Variants in NR2F1-AS1 observed in about 807,000 individuals in gnomAD.
NR2F1-AS1 encodes NR2F1 regulatory antisense RNA 1.
intron 4 of NR2F1-AS1, among the ~76,000 whole-genome samples, chr5:93,476,178 C>A (rs1750480477): frequency 6.6e-6 from 1 of 152,136 alleles, no homozygotes; most frequent in Admixed American, 6.5e-5. Context: ...TTAAATAATA[C>A]TTTAAATGTG....
At chr5:93,527,664 A>G (rs1250129360) in intron 4 of NR2F1-AS1, among the ~76,000 whole-genome samples, 1 of 152,236 alleles carries the variant, frequency 6.6e-6, no homozygotes, top group Non-Finnish European at 1.5e-5. Flanking sequence ...GACCAATGGA[A>G]CAGAACAGAG....
At chr5:93,531,182 G>T (rs1023814115) in intron 4 of NR2F1-AS1, among the ~76,000 whole-genome samples, 40 of 152,138 alleles carry the variant, frequency 2.6e-4, no homozygotes, top group African/African-American at 9.4e-4. Flanking sequence ...TTCAAGGAAA[G>T]GAAAATAATG....
intron 4 of NR2F1-AS1, among the ~76,000 whole-genome samples, chr5:93,462,130 T>C (rs1184649572): frequency 1.3e-5 from 2 of 152,220 alleles, no homozygotes; most frequent in East Asian, 1.9e-4. Context: ...AAATGACCAA[T>C]GATATGGTTT....
intron 4 of NR2F1-AS1, among the ~76,000 whole-genome samples, chr5:93,444,972 G>A (rs1749663344): frequency 6.6e-6 from 1 of 152,030 alleles, no homozygotes; most frequent in African/African-American, 2.4e-5. Flanking sequence ...ACAAAATGAA[G>A]GCAGAAATAA....
chr5:93,549,029 T>C (rs1305518816), intron 4 of NR2F1-AS1, among the ~76,000 whole-genome samples: 1 of 152,184 alleles, frequency 6.6e-6, no homozygotes, highest in African/African-American at 2.4e-5. Flanking sequence ...TAACTGATTA[T>C]ATATATAATT....
At chr5:93,539,335 C>T (rs1418125257) in intron 4 of NR2F1-AS1, among the ~76,000 whole-genome samples, 1 of 151,914 alleles carries the variant, frequency 6.6e-6, no homozygotes, top group Non-Finnish European at 1.5e-5. Context: ...TTAACAATAG[C>T]CAAGATAGGG....
intron 4 of NR2F1-AS1, among the ~76,000 whole-genome samples, chr5:93,421,820 T>C (rs529533917): frequency 1.3e-5 from 2 of 152,306 alleles, no homozygotes; most frequent in East Asian, 1.9e-4. Flanking sequence ...AATCTTTCAC[T>C]TGGGGTAGAA....
At chr5:93,578,939 A>G (rs1752957478) in intron 1 of NR2F1-AS1, among the ~76,000 whole-genome samples, 1 of 152,180 alleles carries the variant, frequency 6.6e-6, no homozygotes, top group Non-Finnish European at 1.5e-5. Context: ...GTATCAAAAG[A>G]GAGCCTTGAA....
intron 4 of NR2F1-AS1, among the ~76,000 whole-genome samples, chr5:93,437,770 G>A (rs1010766468): frequency 5.3e-5 from 8 of 152,098 alleles, no homozygotes; most frequent in Non-Finnish European, 1.0e-4. Context: ...CAACTATCAC[G>A]TTATTAACAT....
At chr5:93,462,595 G>A (rs954686724) in intron 4 of NR2F1-AS1, among the ~76,000 whole-genome samples, 2 of 152,108 alleles carry the variant, frequency 1.3e-5, no homozygotes, top group Admixed American at 6.5e-5. Flanking sequence ...GAGGGTTCAA[G>A]AGAAGACAAA....
intron 1 of NR2F1-AS1, among the ~76,000 whole-genome samples, chr5:93,575,724 C>CTT (rs900630012): frequency 6.7e-6 from 1 of 148,958 alleles, no homozygotes; most frequent in African/African-American, 2.5e-5. Flanking sequence ...TAATTGTTTG[C>CTT]TTTTTTTTTT....
intron 2 of NR2F1-AS1, among the ~76,000 whole-genome samples, chr5:93,562,665 T>A (rs925088701): frequency 1.3e-5 from 2 of 152,092 alleles, no homozygotes; most frequent in Admixed American, 6.5e-5. Context: ...TATCTTAAAG[T>A]CCCAATATAG....
intron 4 of NR2F1-AS1, among the ~76,000 whole-genome samples, chr5:93,447,030 T>C (rs1749726276): frequency 6.6e-6 from 1 of 152,188 alleles, no homozygotes; most frequent in Admixed American, 6.5e-5. Flanking sequence ...ATCCCTTCCT[T>C]ACATCTTATA....
In NR2F1-AS1 at chr5:93,500,169, A is replaced by T. The variant is rs556711208; in HGVS notation, n.638+53592T>A. 3.3e-5 allele frequency among the ~76,000 whole-genome samples: 5 copies of T among 152,370 alleles called. No homozygotes were observed. In the East Asian group the frequency reaches 9.6e-4, roughly 29 times the overall value. ...AACATATTTTCAATGTAGATGAAACAGCCTTCGGTTGAAAGAAGATGACAC... is the reference window on the plus strand; with the variant it reads ...AACATATTTTCAATGTAGATGAAACTGCCTTCGGTTGAAAGAAGATGACAC... On this transcript the variant is annotated intron_variant and non_coding_transcript_variant, in intron 4 of 5. Transcript: ENST00000660523.
At chr5:93,576,721 C>G (rs933308739) in intron 1 of NR2F1-AS1, among the ~76,000 whole-genome samples, 2 of 152,160 alleles carry the variant, frequency 1.3e-5, no homozygotes, top group African/African-American at 4.8e-5. Flanking sequence ...ATATCCAACT[C>G]AGATCTACTT....
intron 2 of NR2F1-AS1, among the ~76,000 whole-genome samples, chr5:93,557,645 T>C (rs1295110201): frequency 6.6e-6 from 1 of 152,222 alleles, no homozygotes; most frequent in Non-Finnish European, 1.5e-5. Context: ...GTGGAGAGTC[T>C]TGCCTTGAAG....
intron 4 of NR2F1-AS1, among the ~76,000 whole-genome samples, chr5:93,545,085 G>A (rs1286496254): frequency 6.6e-6 from 1 of 152,162 alleles, no homozygotes; most frequent in African/African-American, 2.4e-5. Flanking sequence ...AGACTTAGTA[G>A]GAGCAGTGTG....
At chr5:93,411,901 C>T in intron 4 of NR2F1-AS1, among the ~76,000 whole-genome samples, 1 of 152,166 alleles carries the variant, frequency 6.6e-6, no homozygotes, top group South Asian at 2.1e-4. Flanking sequence ...TCCTGTGGCA[C>T]CATATGGATG....
intron 4 of NR2F1-AS1, among the ~76,000 whole-genome samples, chr5:93,450,171 T>C (rs1749797009): frequency 6.6e-6 from 1 of 152,202 alleles, no homozygotes; most frequent in African/African-American, 2.4e-5. Context: ...TTGCTGAATG[T>C]TTTAATATCT....
Sources: allele counts gnomAD v4.1 joint callset (sites outside exome capture counted in the v4.1 genomes callset), GRCh38; gene constraint gnomAD v4.1.1; transcripts MANE v1.5; gene names NCBI Gene and HGNC (gene_info 2026-07-23, HGNC 2026-07-21).